The following WWTR1 variants were observed in gnomAD, a reference collection of about 807,000 sequenced individuals.
WWTR1 encodes WW domain-containing transcription regulator protein 1.
A neutral mutation model predicts 40.1 loss-of-function variants in WWTR1; 13 were observed. The observed-to-expected ratio is 0.32, with a 90% CI of 0.21 to 0.52. The LOEUF is 0.52. Among genes scored for constraint, WWTR1 ranks in the 20% least tolerant of loss-of-function variants. The pLI is 0.97. For synonymous variants in WWTR1, 230 were observed against 210.1 expected, an observed-to-expected ratio of 1.09 and a Z score of -0.82; for missense variants, 436 against 523.1, an observed-to-expected ratio of 0.83 and a Z score of 1.63.
chr3:149,666,055 C>A (rs75772271), intron 2 of WWTR1, among the ~76,000 whole-genome samples: 5,465 of 152,190 alleles, frequency 0.036, 327 homozygotes, highest in African/African-American at 0.12. Flanking sequence ...GAGTTTGCCA[C>A]CTGATTAAAA....
intron 2 of WWTR1, among the ~76,000 whole-genome samples, chr3:149,639,127 A>G (rs1350392108): frequency 6.6e-6 from 1 of 152,234 alleles, no homozygotes; most frequent in East Asian, 1.9e-4. Context: ...TGGTCTACAA[A>G]GACTGCTCTT....
chr3:149,621,364 T>C (rs941946446), intron 2 of WWTR1, among the ~76,000 whole-genome samples: 2 of 152,110 alleles, frequency 1.3e-5, no homozygotes, highest in Non-Finnish European at 2.9e-5. Context: ...GTAATGTTAT[T>C]GGAAGGAAGC....
intron 6 of WWTR1, among the ~76,000 whole-genome samples, chr3:149,521,344 G>A (rs935120771): frequency 4.6e-5 from 7 of 152,200 alleles, no homozygotes; most frequent in Admixed American, 2.6e-4. Context: ...AGGTTTCATT[G>A]TAAGCTTAGG....
At chr3:149,702,063 CAA>C (rs550708809) in intron 1 of WWTR1, 260 of 139,190 alleles carry the variant, frequency 1.9e-3, no homozygotes, top group East Asian at 7.8e-3. Flanking sequence ...GCAGATGTAA[CAA>C]AAAAAAAAAA....
intron 2 of WWTR1, among the ~76,000 whole-genome samples, chr3:149,620,658 T>C (rs556087134): frequency 1.2e-4 from 19 of 152,142 alleles, no homozygotes; most frequent in Non-Finnish European, 2.5e-4. Context: ...AGGATGTTTT[T>C]ATAGCAGCCA....
chr3:149,714,323 G>A (rs62271168), intron 5 of WWTR1, among the ~76,000 whole-genome samples: 48,085 of 152,178 alleles, frequency 0.32, 8,440 homozygotes, highest in Middle Eastern at 0.52. Flanking sequence ...AGCTGCGACT[G>A]CAGAACCAGG....
At chr3:149,526,672 T>C (rs566082408) in intron 5 of WWTR1, among the ~76,000 whole-genome samples, 1 of 152,374 alleles carries the variant, frequency 6.6e-6, no homozygotes, top group South Asian at 2.1e-4. Context: ...TAATTCATGT[T>C]ATTCTTTGTA....
intron 2 of WWTR1, among the ~76,000 whole-genome samples, chr3:149,611,904 T>G (rs914612481): frequency 6.6e-6 from 1 of 152,240 alleles, no homozygotes; most frequent in Non-Finnish European, 1.5e-5. Flanking sequence ...CATGTCAGTT[T>G]AATTTCAAAA....
At chr3:149,702,944 T>A (rs1282575024) in intron 1 of WWTR1, 1 of 152,178 alleles carries the variant, frequency 6.6e-6, no homozygotes, top group African/African-American at 2.4e-5. Flanking sequence ...AAGGTATCAG[T>A]TGTGGGGATT....
At chr3:149,682,981 T>C (rs1714508976) in intron 1 of WWTR1, among the ~76,000 whole-genome samples, 1 of 152,052 alleles carries the variant, frequency 6.6e-6, no homozygotes, top group African/African-American at 2.4e-5. Flanking sequence ...TAGGGTAAAA[T>C]AGAAAAGACA....
chr3:149,655,261 A>G (rs1713138342), intron 2 of WWTR1, among the ~76,000 whole-genome samples: 1 of 151,538 alleles, frequency 6.6e-6, no homozygotes. Flanking sequence ...CCTGGCCAAC[A>G]TGGTGAAACC....
At chr3:149,570,703 T>A (rs1289594792) in intron 3 of WWTR1, among the ~76,000 whole-genome samples, 1 of 152,170 alleles carries the variant, frequency 6.6e-6, no homozygotes, top group African/African-American at 2.4e-5. Flanking sequence ...TCTTTAGATA[T>A]ACTTTACTAG....
At chr3:149,670,643 CAA>C (rs5853435) in intron 1 of WWTR1, 42 of 101,116 alleles carry the variant, frequency 4.2e-4, no homozygotes, top group Non-Finnish European at 5.2e-4. Context: ...GACTCCGTCT[CAA>C]AAAAAAAAAA....
chr3:149,627,872 G>A lies in WWTR1; in HGVS notation c.431+29004C>T, dbSNP rs545046991. On this transcript the variant is annotated intron_variant, in intron 2 of 6. Coordinates refer to ENST00000360632, the MANE Select transcript of WWTR1 (RefSeq NM_015472.6). ...GCAGATCACCAGAGGTCGGGAGCTCGCGACTAGCCTGATCAACATGGAGAA... is the reference window on the plus strand; with the variant it reads ...GCAGATCACCAGAGGTCGGGAGCTCACGACTAGCCTGATCAACATGGAGAA... Among the ~76,000 whole-genome samples, 7 of 148,232 alleles carry A rather than the reference G, an allele frequency of 4.7e-5. No individual in the cohort carries two copies. In the South Asian group the frequency reaches 6.4e-4, roughly 14 times the overall value.
chr3:149,708,303 T>C (rs192580851), intron 5 of WWTR1, among the ~76,000 whole-genome samples: 1 of 152,324 alleles, frequency 6.6e-6, no homozygotes, highest in Non-Finnish European at 1.5e-5. Context: ...GCTTGCTGGT[T>C]TTTTAATTGT....
At chr3:149,577,161 GAACA>G (rs146268231) in intron 2 of WWTR1, among the ~76,000 whole-genome samples, 3 of 151,760 alleles carry the variant, frequency 2.0e-5, no homozygotes, top group Admixed American at 6.6e-5. Context: ...CAGTCTCAAA[GAACA>G]AACAAACAAA....
chr3:149,649,309 A>G (rs974476870), intron 2 of WWTR1, among the ~76,000 whole-genome samples: 1 of 152,118 alleles, frequency 6.6e-6, no homozygotes, highest in Non-Finnish European at 1.5e-5. Flanking sequence ...AATGATTTCT[A>G]GTTGTAAATT....
intron 3 of WWTR1, among the ~76,000 whole-genome samples, chr3:149,561,562 G>T (rs968319806): frequency 6.6e-6 from 1 of 152,144 alleles, no homozygotes; most frequent in African/African-American, 2.4e-5. Context: ...TACATAAACA[G>T]CATATGGCAC....
At chr3:149,627,174 A>G (rs1740582467) in intron 2 of WWTR1, among the ~76,000 whole-genome samples, 2 of 152,190 alleles carry the variant, frequency 1.3e-5, no homozygotes, top group African/African-American at 4.8e-5. Flanking sequence ...AAATTTACCT[A>G]TTGTTTATTT....
Sources: gnomAD v4.1 joint callset for allele counts (sites outside exome capture counted in the v4.1 genomes callset) on GRCh38, gnomAD v4.1.1 for gene constraint, MANE v1.5 for transcripts, NCBI Gene and HGNC (gene_info 2026-07-23, HGNC 2026-07-21) for gene names.